Variants in FBXL5 observed in about 807,000 individuals in gnomAD.
FBXL5 encodes F-box and leucine rich repeat protein 5, also known as F-box/LRR-repeat protein 5.
FBXL5 carries 26 observed loss-of-function variants against 78.3 expected under a neutral mutation model. That is an observed-to-expected ratio of 0.33 (90% CI 0.24 to 0.46). The LOEUF (loss-of-function observed/expected upper bound fraction) is 0.46. Ranked by LOEUF, FBXL5 falls within the 20% of genes least tolerant of loss-of-function variation. FBXL5 has a pLI of 1.00. For missense variants in FBXL5, 710 were observed against 829.2 expected (o/e 0.86, Z 1.77); for synonymous variants, 295 against 282.5 (o/e 1.04, Z -0.45).
chr4:15,638,531 G>C lies in FBXL5; in HGVS notation c.560C>G (p.Ser187Cys). 1 of 1,594,482 alleles carries C rather than the reference G, an allele frequency of 6.3e-7. No homozygotes were observed. The highest frequency in any genetic ancestry group is 1.1e-5 in the South Asian group (1 of 86,978). Residue 187 changes from serine to cysteine, a missense_variant, in exon 4 of 11, where the codon TCC becomes TGC. By Grantham distance (112) the Ser-to-Cys change is moderately radical. Around this residue, in one of 4 missense-constraint regions of FBXL5, gnomAD observed 517 missense variants for 542.9 expected, o/e 0.95. Coordinates refer to ENST00000341285, the MANE Select transcript of FBXL5 (RefSeq NM_012161.4). ...ACCTTTATCTGACTTTTCATCCACG[G>C]AATATTTAAAAAACTTCTGTCGCTC... ...AEERQKFFKY[S>C]VDEKSDKEAE...
At position 15,655,084 on chromosome 4, in the gene FBXL5, T is replaced by C. The variant is rs894193949; in HGVS notation, c.84+120A>G. 33 of 716,712 alleles carry C rather than the reference T, an allele frequency of 4.6e-5. No individual in the cohort carries two copies. In the African/African-American group the frequency reaches 5.8e-4, roughly 13 times the overall value. The allele number at this position is 716,712 out of a possible 1,614,324, so 44.4% of individuals were successfully genotyped here. On this transcript the variant is annotated intron_variant, in intron 1 of 10. Transcript: ENST00000341285. ...CGGCGCTGACAGCTGCGCAGGCGGC[T>C]ACTCGCGCGGCGACGGCACGGGGCT...
intron 1 of FBXL5, among the ~76,000 whole-genome samples, chr4:15,667,152 G>A (rs999427105): frequency 6.6e-6 from 1 of 152,130 alleles, no homozygotes; most frequent in African/African-American, 2.4e-5. Flanking sequence ...TCATGGGACA[G>A]TGCAAAGGGC....
At chr4:15,659,086 A>G (rs1212938245), upstream of FBXL5, among the ~76,000 whole-genome samples, 2 of 152,200 alleles carry the variant, frequency 1.3e-5, no homozygotes, top group African/African-American at 4.8e-5. Context: ...CTTTAACTAA[A>G]TAATATATTT....
chr4:15,666,072 C>T (rs1288871646), intron 1 of FBXL5, among the ~76,000 whole-genome samples: 1 of 151,712 alleles, frequency 6.6e-6, no homozygotes, highest in Non-Finnish European at 1.5e-5. Context: ...TAATACAAAC[C>T]TTTTAGGGTG....
At chr4:15,627,158 A>T (rs1713153907) in intron 7 of FBXL5, among the ~76,000 whole-genome samples, 1 of 133,128 alleles carries the variant, frequency 7.5e-6, no homozygotes, top group South Asian at 2.4e-4. Flanking sequence ...TTTTTGAGAC[A>T]GAGTCTCGCT....
At chr4:15,607,393 T>C (rs1242280566) in intron 10 of FBXL5, among the ~76,000 whole-genome samples, 3 of 152,222 alleles carry the variant, frequency 2.0e-5, no homozygotes, top group Admixed American at 1.3e-4. Flanking sequence ...AAGTTAAATA[T>C]GTTAAATATT....
chr4:15,667,574 A>G (rs991369664), intron 1 of FBXL5, among the ~76,000 whole-genome samples: 2 of 152,152 alleles, frequency 1.3e-5, no homozygotes, highest in Admixed American at 1.3e-4. Flanking sequence ...TTGAAACAGG[A>G]GATCTTTTTA....
chr4:15,608,066 T>G (rs563829049), intron 10 of FBXL5, among the ~76,000 whole-genome samples: 5 of 152,316 alleles, frequency 3.3e-5, no homozygotes, highest in African/African-American at 1.2e-4. Context: ...ACTTCCTGTA[T>G]GTTTTCTTTA....
At chr4:15,632,916 G>T (rs1056071273) in intron 5 of FBXL5, among the ~76,000 whole-genome samples, 4 of 152,188 alleles carry the variant, frequency 2.6e-5, no homozygotes, top group Admixed American at 2.6e-4. Flanking sequence ...CTGCCTGATT[G>T]CCCTGGCCAG....
chr4:15,635,399 A>C (rs1309645409), intron 5 of FBXL5, among the ~76,000 whole-genome samples: 2 of 152,286 alleles, frequency 1.3e-5, no homozygotes, highest in Middle Eastern at 3.4e-3. Flanking sequence ...CTCATGATTT[A>C]AATCAGACAT....
At chr4:15,611,665 T>C (rs1398841023) in intron 10 of FBXL5, among the ~76,000 whole-genome samples, 1 of 152,146 alleles carries the variant, frequency 6.6e-6, no homozygotes, top group Non-Finnish European at 1.5e-5. Flanking sequence ...GTATTTCTTG[T>C]GATTTTTGAA....
chr4:15,669,845 A>G (rs1386584264), intron 1 of FBXL5, among the ~76,000 whole-genome samples: 2 of 152,200 alleles, frequency 1.3e-5, no homozygotes, highest in African/African-American at 4.8e-5. Context: ...ATTTTTTATG[A>G]ACTATATTTA....
chr4:15,650,329 A>T (rs1715845058), intron 1 of FBXL5, among the ~76,000 whole-genome samples: 1 of 152,232 alleles, frequency 6.6e-6, no homozygotes. Context: ...ATCCAGATTC[A>T]CACGCATCAC....
At position 15,640,885 on chromosome 4, in the gene FBXL5, T is replaced by TTACTGTAA; in HGVS notation, c.301-3_301-2insTTACAGTA. 2 of 1,426,218 alleles carry TTACTGTAA rather than the reference T, an allele frequency of 1.4e-6. No individual in the cohort carries two copies. The highest frequency in any genetic ancestry group is 3.0e-5 in the African/African-American group (2 of 67,476). 88.3% of individuals were successfully genotyped at this position (1,426,218 alleles called of 1,614,324 possible). ...ATAATTTAACTGTTCATATTCATTC[T>TTACTGTAA]GGAAACCAAAAAAAAAATACATTTT... On this transcript the variant is annotated splice_region_variant and splice_polypyrimidine_tract_variant and intron_variant, in intron 2 of 10. Transcript: ENST00000341285.
At chr4:15,611,284 G>A (rs917955598) in intron 10 of FBXL5, among the ~76,000 whole-genome samples, 1 of 151,862 alleles carries the variant, frequency 6.6e-6, no homozygotes, top group Non-Finnish European at 1.5e-5. Context: ...TCGAGAAATA[G>A]CAGTTTTCTC....
At chr4:15,639,056 C>T (rs897374778) in intron 3 of FBXL5, among the ~76,000 whole-genome samples, 8 of 152,142 alleles carry the variant, frequency 5.3e-5, no homozygotes, top group Non-Finnish European at 1.0e-4. Context: ...CCCAGCTACT[C>T]GAGAGACTGA....
At chr4:15,657,434 TTGTGTC>T (rs796631285), upstream of FBXL5, among the ~76,000 whole-genome samples, 13 of 152,356 alleles carry the variant, frequency 8.5e-5, no homozygotes, top group African/African-American at 2.6e-4. Flanking sequence ...AATCAACTGT[TTGTGTC>T]TGTGCTGTTC....
At chr4:15,648,472 G>C (rs971128268) in intron 1 of FBXL5, among the ~76,000 whole-genome samples, 3 of 152,102 alleles carry the variant, frequency 2.0e-5, no homozygotes, top group Non-Finnish European at 4.4e-5. Context: ...CCAAGATATG[G>C]AGCCAACCTG....
intron 4 of FBXL5, 35 bp downstream of exon 4, chr4:15,638,473 A>G (rs898655486): frequency 1.1e-5 from 16 of 1,470,534 alleles, no homozygotes; most frequent in Non-Finnish European, 1.3e-5. Flanking sequence ...TGACCTTACA[A>G]CTAATAAATT....
Sources: gnomAD v4.1 joint callset for allele counts (sites outside exome capture counted in the v4.1 genomes callset) on GRCh38, gnomAD v4.1.1 for gene constraint, gnomAD v4.1.1 regional missense constraint, MANE v1.5 for transcripts, NCBI Gene and HGNC (gene_info 2026-07-23, HGNC 2026-07-21) for gene names.